Variants in PLEKHH2 observed in about 807,000 individuals in gnomAD.
PLEKHH2 encodes the protein pleckstrin homology, MyTH4 and FERM domain containing H2, also known as pleckstrin homology domain-containing family H member 2.
A neutral mutation model predicts 187.9 loss-of-function variants in PLEKHH2; 129 were observed. That is an observed-to-expected ratio of 0.69 (90% CI 0.59 to 0.79). The LOEUF is 0.79. PLEKHH2 is among the 30% of genes least tolerant of loss of function. The probability of loss-of-function intolerance (pLI) is 0.00; values close to 1 mark genes in which losing one functional copy is unlikely to be tolerated. For missense variants in PLEKHH2, 2,076 were observed against 1,751.2 expected (o/e 1.19, Z -3.31); for synonymous variants, 686 against 605.6 (o/e 1.13, Z -1.95).
chr2:43,731,684 C>A, intron 19 of PLEKHH2, 82 bp downstream of exon 19: 2 of 953,928 alleles, frequency 2.1e-6, no homozygotes, highest in Non-Finnish European at 3.0e-6. Flanking sequence ...TTAAAAATAA[C>A]ATTTTGGGTT....
Position 43,767,252 on chromosome 2 carries a change from A to T in PLEKHH2, c.*1654A>T, listed in dbSNP as rs975044672. ...GAATTAATTTGTTGCCCGAGCCTTC[A>T]TATTTTCTTCTTTGCTGCCTTCTCC... On this transcript the variant is annotated 3_prime_UTR_variant, in exon 30 of 30. Coordinates refer to ENST00000282406, the MANE Select transcript of PLEKHH2 (RefSeq NM_172069.4). 6.6e-6 allele frequency: 1 copy of T among 152,298 alleles called. No individual in the cohort carries two copies. Among genetic ancestry groups the T allele is most frequent in the Non-Finnish European group, 1.5e-5 (1 of 68,032 alleles). The allele number at this position is 152,298 out of a possible 1,614,324, so 9.4% of individuals were successfully genotyped here. A position where few individuals can be genotyped will look rare whatever the true frequency, so the allele number is the denominator to read the frequency against.
At chr2:43,762,616 T>A (rs1279651935) in intron 28 of PLEKHH2, among the ~76,000 whole-genome samples, 4 of 152,352 alleles carry the variant, frequency 2.6e-5, no homozygotes, top group Non-Finnish European at 5.9e-5. Context: ...AAAATCTTGA[T>A]ACCATGACTA....
chr2:43,677,380 A>ATTAC (rs1176990503), intron 2 of PLEKHH2, among the ~76,000 whole-genome samples: 1 of 152,114 alleles, frequency 6.6e-6, no homozygotes, highest in African/African-American at 2.4e-5. Context: ...GGTACTTGAG[A>ATTAC]TTACGGAGTG....
At position 43,738,427 on chromosome 2, in the gene PLEKHH2, C is replaced by T; in HGVS notation, c.3030C>T (p.Cys1010=). 4 of 1,614,054 alleles carry T rather than the reference C, an allele frequency of 2.5e-6. No homozygotes were observed. The highest frequency in any genetic ancestry group is 2.5e-6 in the Non-Finnish European group (3 of 1,179,952). The change falls in exon 20 of 30, where the codon TGC becomes TGT. Residue 1010 remains cysteine (C), a synonymous_variant. Transcript: ENST00000282406. The part of the protein sequence containing the change: ...ISLAQSALQI[C]LTHPELQNEI... ...TAGCCCAGAGTGCTTTGCAAATCTG[C>T]CTGACACATCCTGAGCTGCAGAATG...
intron 18 of PLEKHH2, among the ~76,000 whole-genome samples, chr2:43,731,166 GTA>G (rs1447541530): frequency 2.6e-5 from 4 of 152,050 alleles, no homozygotes; most frequent in Non-Finnish European, 5.9e-5. Context: ...ATCAGTTTCA[GTA>G]TATACTGCTT....
intron 9 of PLEKHH2, among the ~76,000 whole-genome samples, chr2:43,705,029 C>T (rs1469573603): frequency 6.6e-6 from 1 of 152,128 alleles, no homozygotes; most frequent in East Asian, 1.9e-4. Context: ...ACACATTTCC[C>T]CTTTCTTTAT....
At chr2:43,753,551 G>T (rs1472812523) in intron 24 of PLEKHH2, 68 bp from the exon 25 acceptor site, 1 of 1,298,128 alleles carries the variant, frequency 7.7e-7, no homozygotes, top group Non-Finnish European at 1.0e-6. Context: ...CAGTCCTCTG[G>T]ATTTATCTTT....
intron 8 of PLEKHH2, among the ~76,000 whole-genome samples, chr2:43,702,733 A>C (rs1405573089): frequency 6.6e-6 from 1 of 152,062 alleles, no homozygotes; most frequent in Non-Finnish European, 1.5e-5. Context: ...TTATTTTAAA[A>C]ATTTCTAAGA....
intron 9 of PLEKHH2, among the ~76,000 whole-genome samples, chr2:43,705,459 T>C (rs895625424): frequency 1.3e-5 from 2 of 151,822 alleles, no homozygotes; most frequent in African/African-American, 4.8e-5. Flanking sequence ...GGTCTCACTG[T>C]GTTGCCCAGA....
chr2:43,653,532 C>G lies in PLEKHH2; in HGVS notation c.123+8736C>G, dbSNP rs946278409. Among the ~76,000 whole-genome samples, 3 of 152,052 alleles carry G rather than the reference C, an allele frequency of 2.0e-5. No homozygotes were observed. In the South Asian group the frequency reaches 6.2e-4, roughly 32 times the overall value. Reference sequence around the variant, plus strand: ...CTCTGAGGACTCTCCAGAAGGAGTGCTTTATTAAAAGGAGGAAGTAAACCA... The same window carrying G: ...CTCTGAGGACTCTCCAGAAGGAGTGGTTTATTAAAAGGAGGAAGTAAACCA... On this transcript the variant is annotated intron_variant, in intron 2 of 29. Transcript: ENST00000282406.
At chr2:43,739,270 C>T (rs1282926634) in intron 20 of PLEKHH2, among the ~76,000 whole-genome samples, 1 of 152,082 alleles carries the variant, frequency 6.6e-6, no homozygotes, top group Non-Finnish European at 1.5e-5. Flanking sequence ...CAACAACATT[C>T]AGTATATTTT....
chr2:43,660,704 G>C lies in PLEKHH2; in HGVS notation c.123+15908G>C, dbSNP rs1429270167. On this transcript the variant is annotated intron_variant, in intron 2 of 29. Transcript: ENST00000282406. ...CTCATTGTTCAATTCCCACCTATGA[G>C]TGAGAATATGCAGTGTTTGGTTTTT... Among the ~76,000 whole-genome samples, 4 of 125,980 alleles carry C rather than the reference G, an allele frequency of 3.2e-5. No homozygotes were observed. In the South Asian group the frequency reaches 1.1e-3, roughly 34 times the overall value. The allele number at this position is 125,980 out of a possible 152,430, so 82.6% of individuals were successfully genotyped here. A position where few individuals can be genotyped will look rare whatever the true frequency, so the allele number is the denominator to read the frequency against.
intron 27 of PLEKHH2, among the ~76,000 whole-genome samples, chr2:43,759,809 A>G (rs576695733): frequency 6.6e-5 from 10 of 152,350 alleles, no homozygotes; most frequent in African/African-American, 2.2e-4. Flanking sequence ...CTTAATAAAT[A>G]TTGCTGAATA....
In PLEKHH2 at chr2:43,644,701, C is replaced by T. The variant is rs1407343280; in HGVS notation, c.28C>T (p.Pro10Ser). ...GGCAGAGCTTTCTGAGCCAGAGGGA[C>T]CAGTAGATTGGAAGGAACGATGTGT... MAELSEPEG[P>S]VDWKERCVAL... is the part of the protein sequence containing the mutation. The change falls in exon 2 of 30, where the codon CCA becomes TCA. Residue 10 changes from proline to serine, a missense_variant. By Grantham distance (74) the Pro-to-Ser change is moderately conservative. Transcript: ENST00000282406. 2 of 1,604,582 alleles carry T rather than the reference C, an allele frequency of 1.2e-6. No homozygotes were observed. Among genetic ancestry groups the T allele is most frequent in the Non-Finnish European group, 1.7e-6 (2 of 1,174,190 alleles).
chr2:43,728,948 G>A (rs1016445378), intron 17 of PLEKHH2, among the ~76,000 whole-genome samples: 10 of 152,096 alleles, frequency 6.6e-5, no homozygotes, highest in African/African-American at 1.7e-4. Flanking sequence ...ACAGATGATA[G>A]CTGTCACAGT....
intron 2 of PLEKHH2, among the ~76,000 whole-genome samples, chr2:43,645,813 T>G (rs1666156382): frequency 6.6e-6 from 1 of 152,160 alleles, no homozygotes; most frequent in Admixed American, 6.6e-5. Context: ...GGATGAATGA[T>G]ATTAGTGGTT....
intron 16 of PLEKHH2, among the ~76,000 whole-genome samples, chr2:43,723,302 A>C (rs1670572296): frequency 6.6e-6 from 1 of 152,074 alleles, no homozygotes; most frequent in African/African-American, 2.4e-5. Context: ...ATTACAGGAG[A>C]AACATATACA....
rs555955840 is a variant in PLEKHH2 at position 43,710,299 on chromosome 2, A to T, written c.2183A>T (p.Lys728Ile). 116 of 1,613,956 alleles carry T rather than the reference A, an allele frequency of 7.2e-5. 1 individual carries two copies. The highest frequency in any genetic ancestry group is 1.6e-4 in the Middle Eastern group (1 of 6,082). ...KSWKRRWFVL[K>I]GGELLYYKSP... is the part of the protein sequence containing the mutation. Reference sequence around the variant, plus strand: ...TGGAAGCGGCGGTGGTTTGTTCTTAAAGGTGGTGAATTACTTTACTACAAA... The same window carrying T: ...TGGAAGCGGCGGTGGTTTGTTCTTATAGGTGGTGAATTACTTTACTACAAA... Residue 728 changes from lysine to isoleucine, a missense_variant, in exon 13 of 30, where the codon AAA becomes ATA. Lys to Ile is a moderately radical substitution (Grantham distance 102, BLOSUM62 -3). Coordinates refer to ENST00000282406, the MANE Select transcript of PLEKHH2 (RefSeq NM_172069.4).
intron 17 of PLEKHH2, among the ~76,000 whole-genome samples, chr2:43,729,128 A>T (rs1175404878): frequency 1.3e-5 from 2 of 152,334 alleles, no homozygotes; most frequent in East Asian, 3.9e-4. Flanking sequence ...ACTAAAATTC[A>T]GAAATTATCC....
Sources: allele counts gnomAD v4.1 joint callset (sites outside exome capture counted in the v4.1 genomes callset), GRCh38; gene constraint gnomAD v4.1.1; transcripts MANE v1.5; gene names NCBI Gene and HGNC (gene_info 2026-07-23, HGNC 2026-07-21).